TENM2: variants seen among roughly 807,000 people sequenced by gnomAD.
The protein encoded by TENM2 is teneurin transmembrane protein 2.
A neutral mutation model predicts 245.2 loss-of-function variants in TENM2; 52 were observed. The observed-to-expected ratio is 0.21, with a 90% CI of 0.17 to 0.27. The LOEUF (loss-of-function observed/expected upper bound fraction) is 0.27, where lower values mean the gene tolerates loss of function less well. TENM2 is among the 10% of genes least tolerant of loss of function. TENM2 has a pLI of 1.00. For synonymous variants in TENM2, 1,363 were observed against 1,438.9 expected (o/e 0.95, Z 1.19); for missense variants, 3,046 against 3,666.8 (o/e 0.83, Z 4.37).
rs562346063 is a variant in TENM2, at chr5:167,637,122, G to A, written c.503-238864G>A. On this transcript the variant is annotated intron_variant, in intron 2 of 28. Coordinates refer to ENST00000518659, the Ensembl canonical transcript of TENM2. ...GGCTACTGTAAATGTTAAATGAACT[G>A]ATAATATGCAAAGAACTTAGAACAG... Among the ~76,000 whole-genome samples, 3 of 152,304 alleles carry A rather than the reference G, an allele frequency of 2.0e-5. No individual in the cohort carries two copies. In the South Asian group the frequency reaches 6.2e-4, roughly 32 times the overall value.
intron 12 of TENM2, among the ~76,000 whole-genome samples, chr5:168,154,146 TTAAAAAAA>T (rs139946104): frequency 0.37 from 28,313 of 75,718 alleles, 3,814 homozygotes; most frequent in Non-Finnish European, 0.45. Context: ...ATCACCTACT[TTAAAAAAA>T]AAAAAAAAAA....
the TENM2 span, among the ~76,000 whole-genome samples, chr5:167,252,387 A>G: frequency 6.6e-6 from 1 of 152,138 alleles, no homozygotes; most frequent in African/African-American, 2.4e-5. Context: ...GAGAAGATTT[A>G]TTTATCAGTC....
rs899145201 is a variant in TENM2, at chr5:168,244,153, T to C, written c.5521-267T>C. On this transcript the variant is annotated intron_variant, in intron 25 of 28. Transcript: ENST00000518659. This position sits in a 1 kb window ranked among gnomAD's most constrained non-coding sequence, Gnocchi z 4.9. Reference sequence around the variant, plus strand: ...GGTTTCACCATGTTGGCCAGGCTGGTCTTGAACTCCCGACCTCAGGTGATC... The same window carrying C: ...GGTTTCACCATGTTGGCCAGGCTGGCCTTGAACTCCCGACCTCAGGTGATC... Among the ~76,000 whole-genome samples, 2 of 152,058 alleles carry C rather than the reference T, an allele frequency of 1.3e-5. No homozygotes were observed. Among genetic ancestry groups the C allele is most frequent in the African/African-American group, 4.8e-5 (2 of 41,420 alleles).
intron 3 of TENM2, among the ~76,000 whole-genome samples, chr5:167,923,495 A>G (rs1777525976): frequency 6.6e-6 from 1 of 152,280 alleles, no homozygotes; most frequent in East Asian, 1.9e-4. Context: ...GTATAATCTC[A>G]GAACCTCCGC....
chr5:167,164,449 G>T, the TENM2 span, among the ~76,000 whole-genome samples: 5 of 152,092 alleles, frequency 3.3e-5, no homozygotes, highest in Non-Finnish European at 7.4e-5. Context: ...TTGCTATTAT[G>T]TTCTGAGGCT....
At chr5:167,258,244 T>C in the TENM2 span, among the ~76,000 whole-genome samples, 293 of 145,736 alleles carry the variant, frequency 2.0e-3, 5 homozygotes, top group East Asian at 0.047. Context: ...TATATATATG[T>C]ATATATATAT....
At chr5:167,017,262 G>A in the TENM2 span, among the ~76,000 whole-genome samples, 1 of 152,170 alleles carries the variant, frequency 6.6e-6, no homozygotes, top group Admixed American at 6.5e-5. Flanking sequence ...AGAAGCCCAA[G>A]CTTCTACATT....
At chr5:167,379,293 G>A (rs558389712) in intron 2 of TENM2, among the ~76,000 whole-genome samples, 34 of 152,218 alleles carry the variant, frequency 2.2e-4, no homozygotes, top group African/African-American at 4.1e-4. Flanking sequence ...GGTCTGTAGC[G>A]TATCTGTCTC....
chr5:168,180,396 T>G (rs1759763890), intron 13 of TENM2, among the ~76,000 whole-genome samples: 1 of 152,228 alleles, frequency 6.6e-6, no homozygotes, highest in South Asian at 2.1e-4. Context: ...CCAAATTACA[T>G]TTGATGGCAG....
chr5:167,499,266 T>C (rs1482980509), intron 2 of TENM2, among the ~76,000 whole-genome samples: 1 of 152,080 alleles, frequency 6.6e-6, no homozygotes, highest in Non-Finnish European at 1.5e-5. Context: ...CCTTCCAAGG[T>C]TGCAAGCAGC....
At chr5:167,266,125 C>G in the TENM2 span, among the ~76,000 whole-genome samples, 1 of 152,170 alleles carries the variant, frequency 6.6e-6, no homozygotes, top group Admixed American at 6.5e-5. Flanking sequence ...TGAGCCTCTT[C>G]TTTCGGCGTC....
chr5:168,068,001 G>C (rs1790653773), intron 7 of TENM2, among the ~76,000 whole-genome samples: 1 of 152,128 alleles, frequency 6.6e-6, no homozygotes, highest in Non-Finnish European at 1.5e-5. Flanking sequence ...GAAACCAAGA[G>C]AACCTTGGTT....
intron 2 of TENM2, among the ~76,000 whole-genome samples, chr5:167,524,819 T>C (rs1170459232): frequency 6.6e-6 from 1 of 151,426 alleles, no homozygotes; most frequent in East Asian, 1.9e-4. Context: ...ACCCCTCTCT[T>C]ACTACATAAG....
chr5:167,133,183 G>A, the TENM2 span, among the ~76,000 whole-genome samples: 2 of 152,194 alleles, frequency 1.3e-5, no homozygotes, highest in East Asian at 1.9e-4. Flanking sequence ...AAGACAGAGA[G>A]TGGTTAAGAT....
chr5:167,127,636 A>G, the TENM2 span, among the ~76,000 whole-genome samples: 7 of 151,296 alleles, frequency 4.6e-5, no homozygotes, highest in African/African-American at 1.5e-4. Flanking sequence ...TTTAAAAAAA[A>G]AAAAGGAAAA....
chr5:167,629,997 T>G (rs184611041), intron 2 of TENM2, among the ~76,000 whole-genome samples: 10 of 152,060 alleles, frequency 6.6e-5, no homozygotes, highest in Non-Finnish European at 1.5e-4. Flanking sequence ...CCTCAGGAAA[T>G]ACGTTTCAAG....
chr5:167,260,286 T>A, the TENM2 span, among the ~76,000 whole-genome samples: 1 of 151,758 alleles, frequency 6.6e-6, no homozygotes, highest in African/African-American at 2.4e-5. Flanking sequence ...TTGTTCCTTT[T>A]TGGAGGAAAA....
intron 7 of TENM2, among the ~76,000 whole-genome samples, chr5:168,080,718 A>G (rs1295704921): frequency 6.6e-6 from 1 of 152,152 alleles, no homozygotes; most frequent in Non-Finnish European, 1.5e-5. Context: ...CAGGTTGTTC[A>G]GTTTCCATGT....
intron 2 of TENM2, among the ~76,000 whole-genome samples, chr5:167,703,840 GA>G (rs1372641589): frequency 2.0e-5 from 3 of 152,142 alleles, no homozygotes. Context: ...AAAGTAAAAA[GA>G]GGCAAGGATT....
Sources: allele counts gnomAD v4.1 joint callset (sites outside exome capture counted in the v4.1 genomes callset), GRCh38; gene constraint gnomAD v4.1.1; non-coding constraint Gnocchi (gnomAD v3.1); transcripts MANE v1.5; gene names NCBI Gene and HGNC (gene_info 2026-07-23, HGNC 2026-07-21).